Variants in RPS6KA5 observed in about 807,000 individuals in gnomAD.
RPS6KA5 encodes the protein ribosomal protein S6 kinase A5.
RPS6KA5 carries 27 observed loss-of-function variants against 85.5 expected under a neutral mutation model. The observed-to-expected ratio is 0.32, with a 90% CI of 0.23 to 0.44. The LOEUF (loss-of-function observed/expected upper bound fraction) is 0.44. Ranked by LOEUF, RPS6KA5 falls within the 20% of genes least tolerant of loss-of-function variation. The pLI is 1.00. For missense variants in RPS6KA5, 811 were observed against 980.9 expected, an observed-to-expected ratio of 0.83 and a Z score of 2.31; for synonymous variants, 334 against 348.2, an observed-to-expected ratio of 0.96 and a Z score of 0.46.
At position 90,866,144 on chromosome 14, in the gene RPS6KA5, A is replaced by G. The variant is rs1464099368; in HGVS notation, c.*5930T>C. On this transcript the variant is annotated 3_prime_UTR_variant, in exon 17 of 17. Transcript: ENST00000614987. Reference sequence around the variant, plus strand: ...AGAAAAGCAGAAAAATACGAGAAAAAGTGCATGTACGGAGTATGGGATGAA... The same window carrying G: ...AGAAAAGCAGAAAAATACGAGAAAAGGTGCATGTACGGAGTATGGGATGAA... The G allele has an allele frequency of 1.3e-5, 2 of 152,218 alleles. No individual in the cohort carries two copies. Among genetic ancestry groups the G allele is most frequent in the Non-Finnish European group, 2.9e-5 (2 of 68,048 alleles). 9.4% of individuals were successfully genotyped at this position (152,218 alleles called of 1,614,324 possible). A position where few individuals can be genotyped will look rare whatever the true frequency, so the allele number is the denominator to read the frequency against.
chr14:91,023,598 T>G (rs996966985), intron 1 of RPS6KA5, among the ~76,000 whole-genome samples: 1 of 152,182 alleles, frequency 6.6e-6, no homozygotes, highest in African/African-American at 2.4e-5. Context: ...AACTTTGTTT[T>G]ATAGCCTTAA....
At chr14:90,938,794 C>G (rs1032849425) in intron 5 of RPS6KA5, among the ~76,000 whole-genome samples, 4 of 152,198 alleles carry the variant, frequency 2.6e-5, no homozygotes, top group Non-Finnish European at 5.9e-5. Flanking sequence ...AGGCCCTGTG[C>G]CCGGCCCAGA....
At chr14:90,943,271 A>ATTT in intron 4 of RPS6KA5, 86 bp from the exon 5 acceptor site, 116 of 562,134 alleles carry the variant, frequency 2.1e-4, no homozygotes, top group Non-Finnish European at 2.6e-4. Flanking sequence ...TTATTTATTT[A>ATTT]TTTTTTTTTT....
intron 1 of RPS6KA5, among the ~76,000 whole-genome samples, chr14:91,037,329 C>T (rs998155870): frequency 2.6e-5 from 4 of 152,202 alleles, no homozygotes; most frequent in Admixed American, 6.5e-5. Flanking sequence ...CCCCAAATCT[C>T]TGTGGATAAA....
chr14:91,060,598 C>A lies in RPS6KA5; in HGVS notation c.-164G>T. On this transcript the variant is annotated 5_prime_UTR_variant, in exon 1 of 17. Coordinates refer to ENST00000614987, the MANE Select transcript of RPS6KA5 (RefSeq NM_004755.4). ...TCTTTCCCGCTCTGGCCGCACGGCT[C>A]GCTCCTCGCCTCCTCCCCCTTCGGC... 7 of 955,378 alleles carry A rather than the reference C, an allele frequency of 7.3e-6. No homozygotes were observed. The highest frequency in any genetic ancestry group is 9.5e-6 in the Non-Finnish European group (7 of 734,400). The allele number at this position is 955,378 out of a possible 1,614,324, so 59.2% of individuals were successfully genotyped here.
At chr14:90,964,245 T>A (rs1025451078) in intron 3 of RPS6KA5, among the ~76,000 whole-genome samples, 2 of 152,186 alleles carry the variant, frequency 1.3e-5, no homozygotes, top group Non-Finnish European at 2.9e-5. Flanking sequence ...CTCCTGCACA[T>A]ACCGGCTATG....
rs73324661 is a variant in RPS6KA5, at chr14:90,918,021, C to T, written c.806+2185G>A. ...ATTCATGTACAAGTTTTTATATAGACATATGTTTTCATTTCCCTTGGTAAT... is the reference window on the plus strand; with the variant it reads ...ATTCATGTACAAGTTTTTATATAGATATATGTTTTCATTTCCCTTGGTAAT... On this transcript the variant is annotated intron_variant, in intron 7 of 16. Coordinates refer to ENST00000614987, the MANE Select transcript of RPS6KA5 (RefSeq NM_004755.4). 5.7e-3 allele frequency among the ~76,000 whole-genome samples: 864 copies of T among 152,250 alleles called. 10 individuals are homozygous for T. The highest frequency in any genetic ancestry group is 0.016 in the South Asian group (76 of 4,826).
In RPS6KA5 at chr14:90,881,764, G is replaced by A. The variant is rs374928120; in HGVS notation, c.1837-6404C>T. On this transcript the variant is annotated intron_variant, in intron 14 of 16. Transcript: ENST00000614987. ...GACTCGCCTGCCTCGGCCTCCCAAA[G>A]TGCTGGGATTACAGGCTTGAGCCAC... Among the ~76,000 whole-genome samples the A allele has an allele frequency of 1.9e-4, 29 of 152,246 alleles. No homozygotes were observed. In the East Asian group the frequency reaches 5.0e-3, roughly 26 times the overall value.
chr14:91,056,689 A>G (rs2043330458), intron 1 of RPS6KA5, among the ~76,000 whole-genome samples: 1 of 152,136 alleles, frequency 6.6e-6, no homozygotes, highest in Non-Finnish European at 1.5e-5. Flanking sequence ...CCCAGTATGT[A>G]AGAGGAAATA....
chr14:91,047,846 G>C (rs2042936071), intron 1 of RPS6KA5, among the ~76,000 whole-genome samples: 1 of 152,116 alleles, frequency 6.6e-6, no homozygotes, highest in African/African-American at 2.4e-5. Flanking sequence ...CTTAGCTCAT[G>C]GCCTCCCTTC....
chr14:91,000,570 G>A (rs2040741922), intron 2 of RPS6KA5, among the ~76,000 whole-genome samples: 1 of 152,186 alleles, frequency 6.6e-6, no homozygotes, highest in African/African-American at 2.4e-5. Context: ...GCAGAAGAGG[G>A]CGGATTACTT....
Position 90,861,142 on chromosome 14 carries a change from C to G in RPS6KA5, c.*10932G>C, listed in dbSNP as rs1163528021. On this transcript the variant is annotated 3_prime_UTR_variant, in exon 17 of 17. Coordinates refer to ENST00000614987, the MANE Select transcript of RPS6KA5 (RefSeq NM_004755.4). ...TCCTGACCTCAGGTGATCCACCTGC[C>G]TTGGCCTCGCAAAGTGCTGGGATTA... 1 of 151,450 alleles carries G rather than the reference C, an allele frequency of 6.6e-6. No individual in the cohort carries two copies. The highest frequency in any genetic ancestry group is 1.5e-5 in the Non-Finnish European group (1 of 67,922). The allele number at this position is 151,450 out of a possible 1,614,324, so 9.4% of individuals were successfully genotyped here. A position where few individuals can be genotyped will look rare whatever the true frequency, so the allele number is the denominator to read the frequency against.
chr14:90,885,363 C>A (rs2034125024), intron 14 of RPS6KA5, among the ~76,000 whole-genome samples: 1 of 150,912 alleles, frequency 6.6e-6, no homozygotes, highest in African/African-American at 2.4e-5. Flanking sequence ...GGCATCCTGG[C>A]CAACATGGTG....
chr14:91,051,922 T>A (rs1484462876), intron 1 of RPS6KA5, among the ~76,000 whole-genome samples: 1 of 151,978 alleles, frequency 6.6e-6, no homozygotes, highest in Non-Finnish European at 1.5e-5. Flanking sequence ...ACTAAAGCCT[T>A]CCCCCTAGGA....
chr14:90,918,021 C>G (rs73324661), intron 7 of RPS6KA5, among the ~76,000 whole-genome samples: 1 of 152,130 alleles, frequency 6.6e-6, no homozygotes, highest in Non-Finnish European at 1.5e-5. Context: ...TTTATATAGA[C>G]ATATGTTTTC....
chr14:91,008,514 A>G (rs941101540), intron 1 of RPS6KA5, among the ~76,000 whole-genome samples: 20 of 152,340 alleles, frequency 1.3e-4, no homozygotes, highest in African/African-American at 4.8e-4. Context: ...CTAAAGGCCA[A>G]CGTTCTGGGC....
intron 1 of RPS6KA5, among the ~76,000 whole-genome samples, chr14:91,038,267 AAG>A (rs1190721971): frequency 6.6e-6 from 1 of 152,176 alleles, no homozygotes; most frequent in Non-Finnish European, 1.5e-5. Flanking sequence ...AACACCTGTC[AAG>A]GGTGTATGAG....
chr14:91,039,700 T>C (rs1026201974), intron 1 of RPS6KA5, among the ~76,000 whole-genome samples: 5 of 152,108 alleles, frequency 3.3e-5, no homozygotes, highest in African/African-American at 1.2e-4. Flanking sequence ...CCAGGTGCCA[T>C]CACCTTGAAG....
chr14:91,032,798 AG>A (rs201908341), intron 1 of RPS6KA5, among the ~76,000 whole-genome samples: 2 of 149,044 alleles, frequency 1.3e-5, no homozygotes, highest in Non-Finnish European at 3.0e-5. Flanking sequence ...AAAAAAAAAA[AG>A]AAAAACATAC....
Sources: allele counts gnomAD v4.1 joint callset (sites outside exome capture counted in the v4.1 genomes callset), GRCh38; gene constraint gnomAD v4.1.1; transcripts MANE v1.5; gene names NCBI Gene and HGNC (gene_info 2026-07-23, HGNC 2026-07-21).